SCIN: variants seen among roughly 807,000 people sequenced by gnomAD.
SCIN encodes scinderin, also known as adseverin.
A neutral mutation model predicts 91.8 loss-of-function variants in SCIN; 91 were observed. That is an observed-to-expected ratio of 0.99 (90% CI 0.84 to 1.18). SCIN has a LOEUF of 1.18. SCIN is among the 50% of genes most tolerant of loss of function. The pLI is 0.00. For synonymous variants in SCIN, 367 were observed against 312.6 expected (o/e 1.17, Z -1.84); for missense variants, 1,087 against 863.9 (o/e 1.26, Z -3.24).
chr7:12,596,185 C>T (rs558435361), intron 3 of SCIN: 10 of 333,784 alleles, frequency 3.0e-5, no homozygotes, highest in South Asian at 2.3e-4. Flanking sequence ...TGTGCAGTGC[C>T]CTCCTTACCC....
intron 4 of SCIN, among the ~76,000 whole-genome samples, chr7:12,607,239 C>T (rs1200402651): frequency 6.6e-6 from 1 of 152,150 alleles, no homozygotes; most frequent in Admixed American, 6.5e-5. Context: ...TCTCCAGTCC[C>T]TTTAGGTTCT....
intron 4 of SCIN, among the ~76,000 whole-genome samples, chr7:12,611,950 G>A (rs535514428): frequency 7.9e-5 from 12 of 151,420 alleles, no homozygotes; most frequent in Non-Finnish European, 1.5e-4. Context: ...AAAGATTAAG[G>A]TTGCTTTATG....
In SCIN at chr7:12,629,112, A is replaced by G; in HGVS notation, c.1209A>G (p.Val403=). 6.2e-7 allele frequency: 1 copy of G among 1,612,120 alleles called. No individual in the cohort carries two copies. The part of the protein sequence containing the change: ...DGSGKVEIWR[V]ENNGRIQVDQ... ...TCCATTCCTTCCAGATTTGGCGTGT[A>G]GAAAACAATGGTAGGATCCAAGTTG... The change falls in exon 9 of 16, where the codon GTA becomes GTG. Residue 403 remains valine, a synonymous_variant. Coordinates refer to ENST00000297029, the MANE Select transcript of SCIN (RefSeq NM_001112706.3).
In SCIN at chr7:12,625,160, C is replaced by T. The variant is rs754669398; in HGVS notation, c.892+18C>T. The T allele has an allele frequency of 1.4e-5, 22 of 1,599,826 alleles. No individual in the cohort carries two copies. Among genetic ancestry groups the T allele is most frequent in the African/African-American group, 8.0e-5 (6 of 74,542 alleles). On this transcript the variant is annotated intron_variant, in intron 6 of 15. Coordinates refer to ENST00000297029, the MANE Select transcript of SCIN (RefSeq NM_001112706.3). ...ATGGAAAGGTAAAAAATTCCATTGACGATGCTGTATTTCAGATTTATAGAT... is the reference window on the plus strand; with the variant it reads ...ATGGAAAGGTAAAAAATTCCATTGATGATGCTGTATTTCAGATTTATAGAT...
In SCIN at chr7:12,579,857, T is replaced by C. The variant is rs557986889; in HGVS notation, c.355-1203T>C. 4.6e-5 allele frequency among the ~76,000 whole-genome samples: 7 copies of C among 152,258 alleles called. No homozygotes were observed. The East Asian group carries it at 1.3e-3, about 29-fold the overall frequency. On this transcript the variant is annotated intron_variant, in intron 2 of 15. Transcript: ENST00000297029. ...TGAACCCAGGAGGCAGAGGTTGCAG[T>C]GAGGCGAGGTCATGCCATTGCTCTC...
intron 11 of SCIN, among the ~76,000 whole-genome samples, chr7:12,642,410 C>T (rs956529105): frequency 6.6e-6 from 1 of 152,048 alleles, no homozygotes; most frequent in African/African-American, 2.4e-5. Context: ...TAACAGAAAC[C>T]TCCTGTCATT....
intron 3 of SCIN, among the ~76,000 whole-genome samples, chr7:12,582,488 A>G (rs1215021058): frequency 6.6e-6 from 1 of 152,178 alleles, no homozygotes; most frequent in Non-Finnish European, 1.5e-5. Context: ...CTTATACATA[A>G]TCCAACTGTC....
chr7:12,571,145 T>A (rs1782261983), intron 1 of SCIN, 160 bp downstream of exon 1: 2 of 775,558 alleles, frequency 2.6e-6, no homozygotes, highest in African/African-American at 1.8e-5. Flanking sequence ...ACTTTCTCCC[T>A]ACCGAAGTCA....
intron 3 of SCIN, among the ~76,000 whole-genome samples, chr7:12,601,262 A>T (rs888565318): frequency 6.6e-6 from 1 of 152,172 alleles, no homozygotes; most frequent in Admixed American, 6.5e-5. Flanking sequence ...TGCTTCCAGT[A>T]CCTACAGGAG....
At position 12,651,442 on chromosome 7, in the gene SCIN, C is replaced by T. The variant is rs966713154; in HGVS notation, c.1960-399C>T. Among the ~76,000 whole-genome samples, 2 of 151,894 alleles carry T rather than the reference C, an allele frequency of 1.3e-5. No homozygotes were observed. Among genetic ancestry groups the T allele is most frequent in the African/African-American group, 4.8e-5 (2 of 41,350 alleles). On this transcript the variant is annotated intron_variant, in intron 14 of 15. Coordinates refer to ENST00000297029, the MANE Select transcript of SCIN (RefSeq NM_001112706.3). This position sits in a 1 kb window ranked among gnomAD's most constrained non-coding sequence, Gnocchi z 5.9. The stretch of plus-strand genomic sequence containing the variant: ...TTGCAAGTCCTCTGAACAGCCATCT[C>T]GAAATATGTCAAAGAAGTGTATTCG...
rs1023426304 is a variant in SCIN, at chr7:12,583,760, T to A, written c.516+2539T>A. On this transcript the variant is annotated intron_variant, in intron 3 of 15. Coordinates refer to ENST00000297029, the MANE Select transcript of SCIN (RefSeq NM_001112706.3). ...ATACTCTCTTCCCATAGTCAACCTG[T>A]GGGAGTATGGGCCACAAATCCAGGT... Among the ~76,000 whole-genome samples the A allele has an allele frequency of 3.9e-5, 6 of 152,170 alleles. No homozygotes were observed. In the East Asian group the frequency reaches 5.8e-4, roughly 15 times the overall value.
chr7:12,624,684 AC>A (rs754496559), intron 5 of SCIN, among the ~76,000 whole-genome samples: 25 of 152,264 alleles, frequency 1.6e-4, no homozygotes, highest in Middle Eastern at 6.8e-3. Flanking sequence ...ATCTGAATAG[AC>A]CTCAGCCATT....
chr7:12,594,563 C>A (rs1782797390), intron 3 of SCIN, among the ~76,000 whole-genome samples: 1 of 152,162 alleles, frequency 6.6e-6, no homozygotes, highest in Non-Finnish European at 1.5e-5. Context: ...TGCAGTATTG[C>A]AGTAAAAGAT....
At chr7:12,580,816 A>G (rs1782472136) in intron 2 of SCIN, among the ~76,000 whole-genome samples, 1 of 152,220 alleles carries the variant, frequency 6.6e-6, no homozygotes, top group Non-Finnish European at 1.5e-5. Context: ...GGTTCTCAGT[A>G]AATACTTGCA....
intron 3 of SCIN, among the ~76,000 whole-genome samples, chr7:12,594,723 G>A (rs537235984): frequency 5.9e-5 from 9 of 152,210 alleles, no homozygotes; most frequent in South Asian, 2.1e-4. Context: ...GACCACAGAC[G>A]ACAAAGACGA....
chr7:12,634,221 C>T (rs1019110876), intron 9 of SCIN, among the ~76,000 whole-genome samples: 5 of 152,070 alleles, frequency 3.3e-5, no homozygotes, highest in Admixed American at 3.3e-4. Context: ...CATGGTGGCT[C>T]ACGCCTGTAA....
rs575291555 is a variant in SCIN, at chr7:12,570,776, G to A, written c.-11G>A. 1.3e-6 allele frequency: 2 copies of A among 1,549,418 alleles called. No individual in the cohort carries two copies. Among genetic ancestry groups the A allele is most frequent in the Non-Finnish European group, 1.7e-6 (2 of 1,146,006 alleles). On this transcript the variant is annotated 5_prime_UTR_variant, in exon 1 of 16. The change creates a new upstream start codon in the 5' untranslated region. Transcript: ENST00000297029. ...TATCACGCGTCCCCCGGAGCATCGC[G>A]TGCAGGAGCCATGGCGCGGGAGCTA...
intron 3 of SCIN, among the ~76,000 whole-genome samples, chr7:12,587,374 T>G (rs369266730): frequency 6.6e-6 from 1 of 152,202 alleles, no homozygotes; most frequent in Admixed American, 6.5e-5. Context: ...AGGATGGATG[T>G]GTGAGTCTGG....
intron 2 of SCIN, among the ~76,000 whole-genome samples, chr7:12,578,562 G>C (rs189677893): frequency 1.3e-5 from 2 of 152,106 alleles, no homozygotes; most frequent in East Asian, 1.9e-4. Flanking sequence ...GGTCTTAAAA[G>C]TTTTCATTTT....
Sources: allele counts gnomAD v4.1 joint callset (sites outside exome capture counted in the v4.1 genomes callset), GRCh38; gene constraint gnomAD v4.1.1; non-coding constraint Gnocchi (gnomAD v3.1); transcripts MANE v1.5; gene names NCBI Gene and HGNC (gene_info 2026-07-23, HGNC 2026-07-21).